The following PEAK1 variants were observed in gnomAD, a reference collection of about 807,000 sequenced individuals.
PEAK1 encodes pseudopodium enriched atypical kinase 1, also known as inactive tyrosine-protein kinase PEAK1.
A neutral mutation model predicts 124.7 loss-of-function variants in PEAK1; 54 were observed. The observed-to-expected ratio is 0.43, with a 90% CI of 0.35 to 0.54. PEAK1 has a LOEUF of 0.54. Ranked by LOEUF, PEAK1 falls within the 20% of genes least tolerant of loss-of-function variation. PEAK1 has a pLI of 0.01. For missense variants in PEAK1, 2,046 were observed against 2,134.5 expected (o/e 0.96, Z 0.82); for synonymous variants, 719 against 760.0 (o/e 0.95, Z 0.89).
intron 6 of PEAK1, among the ~76,000 whole-genome samples, chr15:77,250,286 A>G (rs1437758542): frequency 1.4e-5 from 2 of 146,894 alleles, no homozygotes; most frequent in African/African-American, 5.1e-5. Flanking sequence ...TCACTCCGTC[A>G]CCCAGGCTGG....
chr15:77,383,172 C>T (rs1231344655), intron 1 of PEAK1, among the ~76,000 whole-genome samples: 2 of 151,802 alleles, frequency 1.3e-5, no homozygotes, highest in African/African-American at 4.8e-5. Context: ...TACAGGCTCC[C>T]GCCACCACGT....
At chr15:77,198,631 T>C (rs2058220225) in intron 6 of PEAK1, among the ~76,000 whole-genome samples, 1 of 152,238 alleles carries the variant, frequency 6.6e-6, no homozygotes, top group South Asian at 2.1e-4. Context: ...TTGTATCATA[T>C]TGAAAACAGC....
At chr15:77,321,648 C>T (rs1192103794) in intron 2 of PEAK1, among the ~76,000 whole-genome samples, 1 of 152,176 alleles carries the variant, frequency 6.6e-6, no homozygotes, top group Non-Finnish European at 1.5e-5. Flanking sequence ...TGTGCAGAAG[C>T]TCTTTAGTTT....
At position 77,179,163 on chromosome 15, in the gene PEAK1, G is replaced by A; in HGVS notation, c.2764C>T (p.Pro922Ser). The change falls in exon 7 of 10, where the codon CCT (proline) becomes TCT (serine). Residue 922 changes from proline to serine, a missense_variant. By Grantham distance (74) the Pro-to-Ser change is moderately conservative. Transcript: ENST00000682557. ...EGSRRAADAK[P>S]KRWISFKSFF... ...CTTTTAAATGATATCCAGCGCTTAGGTTTTGCATCAGCTGCCCGCCTGCTG... is the reference window on the plus strand; with the variant it reads ...CTTTTAAATGATATCCAGCGCTTAGATTTTGCATCAGCTGCCCGCCTGCTG... 1 of 1,614,142 alleles carries A rather than the reference G, an allele frequency of 6.2e-7. No individual in the cohort carries two copies.
chr15:77,201,167 T>C (rs186345346), intron 6 of PEAK1, among the ~76,000 whole-genome samples: 3 of 151,970 alleles, frequency 2.0e-5, no homozygotes, highest in African/African-American at 7.2e-5. Context: ...CCACTCCATG[T>C]CTTTCCAACT....
chr15:77,321,450 A>C (rs943098618), intron 2 of PEAK1, among the ~76,000 whole-genome samples: 107 of 152,264 alleles, frequency 7.0e-4, no homozygotes, highest in African/African-American at 2.4e-3. Context: ...TGGCTGCTTA[A>C]ATGTCTTCTT....
At chr15:77,371,327 CCTTT>C (rs1356429570) in intron 1 of PEAK1, 6 of 913,988 alleles carry the variant, frequency 6.6e-6, no homozygotes, top group South Asian at 5.1e-5. Flanking sequence ...AATATTCCTT[CCTTT>C]AATTATGCAG....
intron 8 of PEAK1, among the ~76,000 whole-genome samples, chr15:77,146,357 C>T (rs751209272): frequency 3.7e-4 from 57 of 152,084 alleles, no homozygotes; most frequent in Admixed American, 5.9e-4. Flanking sequence ...AACCTGATTT[C>T]CAAAGAAAAC....
intron 5 of PEAK1, among the ~76,000 whole-genome samples, chr15:77,280,205 G>A (rs1485877971): frequency 6.6e-6 from 1 of 152,054 alleles, no homozygotes; most frequent in African/African-American, 2.4e-5. Flanking sequence ...GCTGGGCATG[G>A]AGGCAGTCAT....
chr15:77,163,132 G>C (rs887708192), intron 7 of PEAK1, among the ~76,000 whole-genome samples: 1 of 152,124 alleles, frequency 6.6e-6, no homozygotes, highest in African/African-American at 2.4e-5. Context: ...TTTTTGTCCT[G>C]AACCTTCAGC....
intron 6 of PEAK1, among the ~76,000 whole-genome samples, chr15:77,191,545 T>C (rs2057835396): frequency 6.6e-6 from 1 of 152,202 alleles, no homozygotes; most frequent in African/African-American, 2.4e-5. Context: ...TGTTTAAGAC[T>C]TATTGCTTCT....
chr15:77,264,893 G>T (rs909914562), intron 5 of PEAK1, among the ~76,000 whole-genome samples: 8 of 151,896 alleles, frequency 5.3e-5, no homozygotes, highest in African/African-American at 7.3e-5. Flanking sequence ...CATGGTACTG[G>T]TACCAAAACA....
At chr15:77,200,884 T>G (rs1332817564) in intron 6 of PEAK1, among the ~76,000 whole-genome samples, 1 of 152,086 alleles carries the variant, frequency 6.6e-6, no homozygotes, top group Non-Finnish European at 1.5e-5. Context: ...TCTTCTTTCT[T>G]TCTATATTTT....
rs746587767 is a variant in PEAK1, at chr15:77,115,073, A to C, written c.4324T>G (p.Ser1442Ala). 1.5e-5 allele frequency: 24 copies of C among 1,613,978 alleles called. No individual in the cohort carries two copies. The highest frequency in any genetic ancestry group is 1.0e-4 in the Admixed American group (6 of 60,000). ...ACTCCCTGATTCTCTTTCTGGGATG[A>C]TGCTGCTTCAGAACAGGGCTTTGGG... ...KNPKPCSEAA[S>A]SQKENQGVMS... The change falls in exon 10 of 10, where the codon TCA becomes GCA. Residue 1442 changes from serine (S) to alanine (A), a missense_variant. Physicochemically the swap from Ser to Ala is moderately conservative, Grantham distance 99. Coordinates refer to ENST00000682557, the MANE Select transcript of PEAK1 (RefSeq NM_001385026.1).
chr15:77,171,328 G>A (rs927008162), intron 7 of PEAK1, among the ~76,000 whole-genome samples: 6 of 152,036 alleles, frequency 3.9e-5, no homozygotes, highest in Non-Finnish European at 5.9e-5. Context: ...GAGAACATCT[G>A]AAAATAATTA....
intron 6 of PEAK1, among the ~76,000 whole-genome samples, chr15:77,232,314 AACAC>A (rs3071161): frequency 2.3e-4 from 35 of 149,946 alleles, no homozygotes; most frequent in Admixed American, 4.0e-4. Flanking sequence ...AGTGTCAGGA[AACAC>A]ACACACACAC....
chr15:77,184,246 G>A (rs979336485), intron 6 of PEAK1, among the ~76,000 whole-genome samples: 1 of 151,906 alleles, frequency 6.6e-6, no homozygotes, highest in African/African-American at 2.4e-5. Flanking sequence ...CCACATGGAA[G>A]TGCAAATTAA....
intron 6 of PEAK1, among the ~76,000 whole-genome samples, chr15:77,247,465 T>G (rs1303457824): frequency 6.8e-6 from 1 of 147,156 alleles, no homozygotes; most frequent in Non-Finnish European, 1.5e-5. Flanking sequence ...ATTTTTTTTT[T>G]CTCTTTTTTC....
intron 1 of PEAK1, chr15:77,419,579 C>T (rs1223767080): frequency 2.0e-6 from 2 of 985,088 alleles, no homozygotes; most frequent in Non-Finnish European, 2.4e-6. Context: ...GTGGACCCGG[C>T]AGGAGCCAGA....
Sources: allele counts gnomAD v4.1 joint callset (sites outside exome capture counted in the v4.1 genomes callset), GRCh38; gene constraint gnomAD v4.1.1; transcripts MANE v1.5; gene names NCBI Gene and HGNC (gene_info 2026-07-23, HGNC 2026-07-21).